RGPD4: variants seen among roughly 807,000 people sequenced by gnomAD.
RGPD4 encodes the protein ranBP2-like and GRIP domain-containing protein 4.
RGPD4 carries 84 observed loss-of-function variants against 141.1 expected under a neutral mutation model. The observed-to-expected ratio is 0.60, with a 90% CI of 0.50 to 0.71. The LOEUF is 0.71. RGPD4 is among the 30% of genes least tolerant of loss of function. The probability of loss-of-function intolerance (pLI) is 0.00; values close to 1 mark genes in which losing one functional copy is unlikely to be tolerated. For synonymous variants in RGPD4, 298 were observed against 566.8 expected, an observed-to-expected ratio of 0.53 and a Z score of 6.74; for missense variants, 918 against 1,622.4, an observed-to-expected ratio of 0.57 and a Z score of 7.46.
intron 20 of RGPD4, among the ~76,000 whole-genome samples, chr2:107,877,144 C>T (rs140132092): frequency 0.044 from 6,685 of 151,578 alleles, 190 homozygotes; most frequent in Non-Finnish European, 0.063. Flanking sequence ...GAGGCCAAGG[C>T]GGGTGGATCA....
In RGPD4 at chr2:107,872,649, A is replaced by C. The variant is rs1438763562; in HGVS notation, c.4645A>C (p.Ile1549Leu). 1.1e-5 allele frequency: 18 copies of C among 1,609,978 alleles called. No individual in the cohort carries two copies. The highest frequency in any genetic ancestry group is 1.4e-5 in the Non-Finnish European group (17 of 1,179,590). The change falls in exon 20 of 23, where the codon ATT (isoleucine) becomes CTT (leucine). Residue 1549 changes from isoleucine (I) to leucine (L), a missense_variant. Transcript: ENST00000408999. The part of the protein sequence containing the change: ...FVFGSESVKR[I>L]FSSEKSKPFA... ...ATTTGGTTCAGAGTCTGTTAAAAGA[A>C]TTTTTAGTAGTGAAAAATCAAAACC...
At chr2:107,858,444 TTTTC>T (rs1382723897) in intron 9 of RGPD4, among the ~76,000 whole-genome samples, 3 of 151,548 alleles carry the variant, frequency 2.0e-5, no homozygotes, top group East Asian at 1.9e-4. Context: ...TTTTCTTTTC[TTTTC>T]TTTTTTTTGA....
At chr2:107,881,494 T>C (rs2104516244) in intron 21 of RGPD4, among the ~76,000 whole-genome samples, 1 of 151,612 alleles carries the variant, frequency 6.6e-6, no homozygotes, top group South Asian at 2.1e-4. Context: ...ATTTTTTTTA[T>C]TTTACTAGAG....
chr2:107,845,545 TGCCACCCTAGGCA>T, intron 6 of RGPD4, among the ~76,000 whole-genome samples: 1 of 151,998 alleles, frequency 6.6e-6, no homozygotes, highest in South Asian at 2.1e-4. Flanking sequence ...AAAAAGCTGG[TGCCACCCTAGGCA>T]GTTTCACAGT....
intron 22 of RGPD4, among the ~76,000 whole-genome samples, chr2:107,887,188 A>T (rs916424563): frequency 3.9e-5 from 6 of 152,070 alleles, no homozygotes; most frequent in Non-Finnish European, 7.3e-5. Context: ...GCTGCAGTCG[A>T]ACTTCTGGTC....
Position 107,870,879 on chromosome 2 carries a change from C to T in RGPD4, c.2875C>T (p.Arg959Cys), listed in dbSNP as rs544499630. 598 of 1,610,006 alleles carry T rather than the reference C, an allele frequency of 3.7e-4. 11 individuals carry two copies. In the African/African-American group the frequency reaches 6.6e-3, roughly 18 times the overall value. Residue 959 changes from arginine (R) to cysteine (C), a missense_variant, in exon 20 of 23, where the codon CGT (arginine) becomes TGT (cysteine). Arg to Cys is a radical substitution (Grantham distance 180). Transcript: ENST00000408999. ...GGATATTAGTGGCCAGAAGAATGGC[C>T]GTGGTGTGATTTTTGGCCAAACAAG... ...AQDISGQKNG[R>C]GVIFGQTSST...
rs1219955022 is a variant in RGPD4 at position 107,854,235 on chromosome 2, T to A, written c.979-321T>A. 2.0e-5 allele frequency among the ~76,000 whole-genome samples: 3 copies of A among 146,728 alleles called. No homozygotes were observed. The East Asian group carries it at 6.0e-4, about 29-fold the overall frequency. The stretch of plus-strand genomic sequence containing the variant: ...CACGCCTGGCTCTTTGTTTTTTTTT[T>A]TTATTTTTAGTAGAGACTGGGTTTC... On this transcript the variant is annotated intron_variant, in intron 7 of 22. Transcript: ENST00000408999.
intron 9 of RGPD4, among the ~76,000 whole-genome samples, chr2:107,858,397 CCTTTT>C (rs76894491): frequency 0.13 from 18,478 of 140,472 alleles, 320 homozygotes; most frequent in African/African-American, 0.25. Flanking sequence ...AAGCACATAA[CCTTTT>C]CTTTTCTTTT....
intron 21 of RGPD4, among the ~76,000 whole-genome samples, chr2:107,882,260 T>C (rs1202978687): frequency 6.7e-6 from 1 of 150,288 alleles, no homozygotes; most frequent in Admixed American, 7.0e-5. Flanking sequence ...CATCTGTTTC[T>C]CGTGAGAATT....
chr2:107,890,777 T>C lies in RGPD4; in HGVS notation c.*46T>C. On this transcript the variant is annotated 3_prime_UTR_variant, in exon 23 of 23. Coordinates refer to ENST00000408999, the MANE Select transcript of RGPD4 (RefSeq NM_182588.3). Reference sequence around the variant, plus strand: ...ATGGGCATCCTATCTTCGTAGTTGGTTTGGACTTCGATAGGTTGATGGAAG... The same window carrying C: ...ATGGGCATCCTATCTTCGTAGTTGGCTTGGACTTCGATAGGTTGATGGAAG... 4 of 1,601,458 alleles carry C rather than the reference T, an allele frequency of 2.5e-6. No individual in the cohort carries two copies. The South Asian group carries it at 4.5e-5, about 18-fold the overall frequency.
At position 107,830,596 on chromosome 2, in the gene RGPD4, GAAT is replaced by G. The variant is rs1681450041; in HGVS notation, c.72+3513_72+3515del. ...ACATTAGAACCTGGGGATTTCAGCG[GAAT>G]ATGGATTAACTAGTGAGTAACTGGA... On this transcript the variant is annotated intron_variant, in intron 1 of 22. Transcript: ENST00000408999. Among the ~76,000 whole-genome samples the G allele has an allele frequency of 2.6e-5, 4 of 152,206 alleles. No individual in the cohort carries two copies. The South Asian group carries it at 8.3e-4, about 32-fold the overall frequency.
intron 20 of RGPD4, among the ~76,000 whole-genome samples, chr2:107,873,416 T>C (rs2104500456): frequency 7.5e-6 from 1 of 132,602 alleles, no homozygotes; most frequent in Non-Finnish European, 1.6e-5. Context: ...CTACTGAAAA[T>C]ACAAAAATGA....
In RGPD4 at chr2:107,871,115, T is replaced by A. The variant is rs767732133; in HGVS notation, c.3111T>A (p.His1037Gln). The A allele has an allele frequency of 3.1e-6, 5 of 1,610,998 alleles. No individual in the cohort carries two copies. In the East Asian group the frequency reaches 1.1e-4, roughly 36 times the overall value. The stretch of plus-strand genomic sequence containing the variant: ...AGACTGAGGACAGCGATGACATCCA[T>A]TTTGAACCAGTAGTTCAAATGCCTG... Reference protein sequence around the residue: ...AYKTEDSDDIHFEPVVQMPEK... With the variant: ...AYKTEDSDDIQFEPVVQMPEK... Residue 1037 changes from histidine (H) to glutamine (Q), a missense_variant, in exon 20 of 23, where the codon CAT becomes CAA. Physicochemically the swap from His to Gln is conservative, Grantham distance 24. Coordinates refer to ENST00000408999, the MANE Select transcript of RGPD4 (RefSeq NM_182588.3).
intron 21 of RGPD4, among the ~76,000 whole-genome samples, 190 bp from the exon 22 acceptor site, chr2:107,882,482 C>T (rs534771090): frequency 4.7e-5 from 7 of 150,130 alleles, no homozygotes; most frequent in Non-Finnish European, 7.4e-5. Flanking sequence ...GGATTTTATA[C>T]GGTGATGTCA....
intron 6 of RGPD4, among the ~76,000 whole-genome samples, chr2:107,845,434 G>T (rs1344302148): frequency 6.7e-6 from 1 of 150,374 alleles, no homozygotes; most frequent in Non-Finnish European, 1.5e-5. Context: ...CTCAGAGGGG[G>T]AGGCTCAGGA....
chr2:107,887,415 T>G (rs1200374403), intron 22 of RGPD4, among the ~76,000 whole-genome samples: 1 of 152,218 alleles, frequency 6.6e-6, no homozygotes, highest in Admixed American at 6.5e-5. Flanking sequence ...CAGCTCTAGA[T>G]ATAAAATGTT....
rs764942397 is a variant in RGPD4 at position 107,872,115 on chromosome 2, G to T, written c.4111G>T (p.Val1371Phe). Residue 1371 changes from valine to phenylalanine, a missense_variant, in exon 20 of 23, where the codon GTT becomes TTT. Physicochemically the swap from Val to Phe is conservative, Grantham distance 50. Transcript: ENST00000408999. ...AGAACTCTACAGATATGATAAAGATGTTGGTCAATGGAAAGAAAGGGGCAT... is the reference window on the plus strand; with the variant it reads ...AGAACTCTACAGATATGATAAAGATTTTGGTCAATGGAAAGAAAGGGGCAT... ...RAELYRYDKDVGQWKERGIGD... is the reference protein window; with the variant it reads ...RAELYRYDKDFGQWKERGIGD... 1.9e-5 allele frequency: 30 copies of T among 1,611,194 alleles called. No individual in the cohort carries two copies. The highest frequency in any genetic ancestry group is 2.5e-5 in the Non-Finnish European group (29 of 1,179,642).
intron 9 of RGPD4, among the ~76,000 whole-genome samples, chr2:107,857,725 CTCATATCTGTAA>C (rs1310950395): frequency 6.6e-6 from 1 of 151,844 alleles, no homozygotes; most frequent in East Asian, 1.9e-4. Context: ...GACACAGTGG[CTCATATCTGTAA>C]TCCCAGCACT....
At chr2:107,854,743 T>C (rs1354118352) in intron 8 of RGPD4, 100 bp downstream of exon 8, 23 of 1,529,072 alleles carry the variant, frequency 1.5e-5, no homozygotes, top group Non-Finnish European at 2.0e-5. Flanking sequence ...AGATAATTTG[T>C]CAAAATTATT....
Sources: gnomAD v4.1 joint callset for allele counts (sites outside exome capture counted in the v4.1 genomes callset) on GRCh38, gnomAD v4.1.1 for gene constraint, MANE v1.5 for transcripts, NCBI Gene and HGNC (gene_info 2026-07-23, HGNC 2026-07-21) for gene names.